DLGAP1: variants seen among roughly 807,000 people sequenced by gnomAD.
DLGAP1 encodes the protein DLG associated protein 1, also known as disks large-associated protein 1.
In DLGAP1, 11 loss-of-function variants were observed where a neutral mutation model predicts 90.8. That is an observed-to-expected ratio of 0.12 (90% CI 0.08 to 0.20). DLGAP1 has a LOEUF of 0.20. Among genes scored for constraint, DLGAP1 ranks in the 10% least tolerant of loss-of-function variants. The probability of loss-of-function intolerance (pLI) is 1.00; values close to 1 mark genes in which losing one functional copy is unlikely to be tolerated. For missense variants in DLGAP1, 1,050 were observed against 1,333.8 expected (o/e 0.79, Z 3.31); for synonymous variants, 558 against 540.7 (o/e 1.03, Z -0.44).
intron 5 of DLGAP1, among the ~76,000 whole-genome samples, chr18:3,790,413 G>C (rs1357456977): frequency 1.3e-5 from 2 of 151,852 alleles, no homozygotes; most frequent in East Asian, 3.9e-4. Context: ...GTCCACAGGT[G>C]TGCATCACCA....
At chr18:3,979,139 A>C (rs183207973) in intron 3 of DLGAP1, among the ~76,000 whole-genome samples, 1 of 152,274 alleles carries the variant, frequency 6.6e-6, no homozygotes, top group East Asian at 1.9e-4. Context: ...GCACAGAAAA[A>C]CCACTATGGT....
chr18:4,178,668 T>G (rs2077158880), intron 1 of DLGAP1, among the ~76,000 whole-genome samples: 1 of 152,172 alleles, frequency 6.6e-6, no homozygotes, highest in Non-Finnish European at 1.5e-5. Context: ...TTATACTGAC[T>G]GTAAAGGACA....
intron 7 of DLGAP1, among the ~76,000 whole-genome samples, chr18:3,666,536 G>C (rs1219041936): frequency 6.6e-6 from 1 of 152,092 alleles, no homozygotes; most frequent in Non-Finnish European, 1.5e-5. Context: ...TGCAGCTCCT[G>C]GTTTCATCTA....
intron 5 of DLGAP1, among the ~76,000 whole-genome samples, chr18:3,807,621 G>A (rs544313834): frequency 5.3e-5 from 8 of 150,394 alleles, no homozygotes; most frequent in African/African-American, 7.4e-5. Context: ...TGGGATACGT[G>A]TACAGGATGT....
At chr18:3,568,504 CCTA>C (rs912614611) in intron 8 of DLGAP1, among the ~76,000 whole-genome samples, 4 of 151,906 alleles carry the variant, frequency 2.6e-5, no homozygotes, top group Admixed American at 6.6e-5. Context: ...ATTCCGTTTT[CCTA>C]CTATGTGTTT....
chr18:3,652,933 A>G (rs2059365028), intron 7 of DLGAP1, among the ~76,000 whole-genome samples: 2 of 152,018 alleles, frequency 1.3e-5, no homozygotes, highest in South Asian at 4.2e-4. Flanking sequence ...CCCACTCCCC[A>G]TGTCTGAATA....
chr18:4,342,764 T>C lies in DLGAP1; in HGVS notation c.-267+112242A>G, dbSNP rs2081220238. ...ACAATTAAGTTATTTTAAAAGACAC[T>C]GGAAATAAACCCCCCAAAATGAAGA... On this transcript the variant is annotated intron_variant, in intron 1 of 12. Coordinates refer to ENST00000315677, the MANE Select transcript of DLGAP1 (RefSeq NM_004746.4). The surrounding 1 kb of genome is among the most constrained non-coding windows in gnomAD (Gnocchi z 5.8). 6.6e-6 allele frequency among the ~76,000 whole-genome samples: 1 copy of C among 152,188 alleles called. No homozygotes were observed.
chr18:3,885,655 T>G (rs2148842673), intron 3 of DLGAP1, among the ~76,000 whole-genome samples: 1 of 152,378 alleles, frequency 6.6e-6, no homozygotes, highest in Admixed American at 6.5e-5. Context: ...TTTCTGTGAC[T>G]ACCAGTGATT....
intron 3 of DLGAP1, among the ~76,000 whole-genome samples, chr18:3,988,160 A>T (rs2073881533): frequency 6.6e-6 from 1 of 151,738 alleles, no homozygotes; most frequent in Non-Finnish European, 1.5e-5. Flanking sequence ...TGTCCACTTC[A>T]CTCTATAATC....
chr18:3,583,143 GACCTACCTACCTACCT>G lies in DLGAP1; in HGVS notation c.1592-911_1592-896del, dbSNP rs764967145. Among the ~76,000 whole-genome samples the G allele has an allele frequency of 2.1e-3, 234 of 113,646 alleles. 1 individual carries two copies. The highest frequency in any genetic ancestry group is 4.9e-3 in the Middle Eastern group (1 of 204). 74.6% of individuals were successfully genotyped at this position (113,646 alleles called of 152,430 possible). ...TTTCTGTCTTTCTGCCTGACTGACC[GACCTACCTACCTACCT>G]ACCTACCTACCTACCTACCTACCTA... On this transcript the variant is annotated intron_variant, in intron 7 of 12. Transcript: ENST00000315677.
At chr18:3,979,917 C>G (rs1358784263) in intron 3 of DLGAP1, among the ~76,000 whole-genome samples, 1 of 152,176 alleles carries the variant, frequency 6.6e-6, no homozygotes. Flanking sequence ...AGGTGGATCA[C>G]TTGAGGTCAG....
intron 4 of DLGAP1, among the ~76,000 whole-genome samples, chr18:3,861,948 C>T (rs1030805606): frequency 3.3e-5 from 5 of 152,310 alleles, no homozygotes; most frequent in Admixed American, 6.5e-5. Flanking sequence ...GAGAGCAATA[C>T]GAAAAATGCA....
intron 1 of DLGAP1, chr18:4,294,715 C>G (rs2143116011): frequency 6.6e-6 from 1 of 152,400 alleles, no homozygotes; most frequent in South Asian, 2.1e-4. Flanking sequence ...GCCAATGTGA[C>G]AGCTTTCTGT....
chr18:3,878,028 AGC>A (rs2071047561), intron 4 of DLGAP1, among the ~76,000 whole-genome samples: 1 of 152,180 alleles, frequency 6.6e-6, no homozygotes, highest in Admixed American at 6.5e-5. Context: ...TTCCCAAGGG[AGC>A]CAGACTTGTC....
At chr18:3,620,536 C>G (rs2146020996) in intron 7 of DLGAP1, among the ~76,000 whole-genome samples, 1 of 139,294 alleles carries the variant, frequency 7.2e-6, no homozygotes, top group East Asian at 2.4e-4. Context: ...AGAACAACTG[C>G]TATCACATTT....
In DLGAP1 at chr18:3,879,408, C is replaced by T. The variant is rs773259863; in HGVS notation, c.661G>A (p.Val221Met). The T allele has an allele frequency of 1.9e-6, 3 of 1,612,196 alleles. No individual in the cohort carries two copies. ...DMCIYHAPSG[V>M]MTMGRCPDRS... ...TCGGGGCACCTGCCCATGGTCATCA[C>T]GCCCGAGGGGGCGTGGTAGATGCAC... is the stretch of plus-strand genomic sequence containing the variant. The change falls in exon 4 of 13, where the codon GTG becomes ATG. Residue 221 changes from valine (V) to methionine (M), a missense_variant. By Grantham distance (21) the Val-to-Met change is conservative. Transcript: ENST00000315677. This position sits in a 1 kb window ranked among gnomAD's most constrained non-coding sequence, Gnocchi z 6.6.
At chr18:3,765,306 A>G (rs1390806030) in intron 5 of DLGAP1, among the ~76,000 whole-genome samples, 1 of 148,706 alleles carries the variant, frequency 6.7e-6, no homozygotes, top group Non-Finnish European at 1.5e-5. Context: ...AGTTTTTTGT[A>G]TTTTTAGTAG....
intron 7 of DLGAP1, among the ~76,000 whole-genome samples, chr18:3,689,844 T>G (rs2060830623): frequency 6.6e-6 from 1 of 152,214 alleles, no homozygotes; most frequent in South Asian, 2.1e-4. Context: ...ATTGTAGGGT[T>G]TCTTAGAGTC....
chr18:4,057,019 A>ACACG (rs1459189346), intron 2 of DLGAP1, among the ~76,000 whole-genome samples: 3 of 100,022 alleles, frequency 3.0e-5, no homozygotes, highest in African/African-American at 1.6e-4. Flanking sequence ...ACACACACAC[A>ACACG]CACACACACA....
Sources: allele counts gnomAD v4.1 joint callset (sites outside exome capture counted in the v4.1 genomes callset), GRCh38; gene constraint gnomAD v4.1.1; non-coding constraint Gnocchi (gnomAD v3.1); transcripts MANE v1.5; gene names NCBI Gene and HGNC (gene_info 2026-07-23, HGNC 2026-07-21).